The following IL1RAPL2 variants were observed in gnomAD, a reference collection of about 807,000 sequenced individuals.
The protein encoded by IL1RAPL2 is X-linked interleukin-1 receptor accessory protein-like 2.
IL1RAPL2 carries 3 observed loss-of-function variants against 44.1 expected under a neutral mutation model. The ratio of observed to expected loss-of-function variants is 0.07; its 90% CI spans 0.03 to 0.18. The LOEUF (loss-of-function observed/expected upper bound fraction) is 0.18. IL1RAPL2 is among the 10% of genes least tolerant of loss of function. The pLI is 1.00. For synonymous variants in IL1RAPL2, 181 were observed against 178.8 expected, an observed-to-expected ratio of 1.01 and a Z score of -0.10; for missense variants, 391 against 496.4, an observed-to-expected ratio of 0.79 and a Z score of 2.02.
intron 6 of IL1RAPL2, among the ~76,000 whole-genome samples, chrX:105,493,063 G>A (rs937043522): frequency 1.1e-4 from 12 of 111,942 alleles, no homozygotes; most frequent in African/African-American, 3.2e-4. Flanking sequence ...CTTACATTTA[G>A]CATAGTGTTA....
At chrX:104,913,922 T>G (rs1390621491) in intron 2 of IL1RAPL2, among the ~76,000 whole-genome samples, 2 of 112,033 alleles carry the variant, frequency 1.8e-5, no homozygotes, top group African/African-American at 6.5e-5. Context: ...GAGTAGAAAT[T>G]TGGTTGGGAG....
intron 2 of IL1RAPL2, among the ~76,000 whole-genome samples, chrX:105,054,775 CT>C (rs1316154608): frequency 1.8e-5 from 2 of 112,051 alleles, no homozygotes; most frequent in Non-Finnish European, 3.8e-5. Context: ...GATAACCCTG[CT>C]CCTAACCTAG....
rs770927376 is a variant in IL1RAPL2, at chrX:105,305,698, C to T, written c.697+38157C>T. ...AAACACAAACTGTAAACTACTCTTG[C>T]TGGATAATAAGGTTGAGCCTTTACT... On this transcript the variant is annotated intron_variant, in intron 5 of 10. Transcript: ENST00000372582. Among the ~76,000 whole-genome samples the T allele has an allele frequency of 1.8e-5, 2 of 112,085 alleles. 1 individual carries two copies. Among genetic ancestry groups the T allele is most frequent in the African/African-American group, 6.5e-5 (2 of 30,933 alleles).
intron 5 of IL1RAPL2, among the ~76,000 whole-genome samples, chrX:105,277,417 A>G (rs1009944361): frequency 2.0e-4 from 22 of 110,996 alleles, no homozygotes; most frequent in Middle Eastern, 4.6e-3. Flanking sequence ...CCTAGGCTTT[A>G]TTCTCCTTTT....
At chrX:105,338,957 G>A (rs1397302351) in intron 5 of IL1RAPL2, among the ~76,000 whole-genome samples, 1 of 110,474 alleles carries the variant, frequency 9.1e-6, no homozygotes, top group Non-Finnish European at 1.9e-5. Context: ...AAAAAAATTA[G>A]CAAGATGTGG....
intron 1 of IL1RAPL2, among the ~76,000 whole-genome samples, chrX:104,643,798 C>T (rs1929981038): frequency 9.0e-6 from 1 of 111,094 alleles, no homozygotes; most frequent in South Asian, 3.8e-4. Context: ...ATTAATGATC[C>T]CTAATAGGAA....
chrX:105,130,123 T>G (rs2033013043), intron 2 of IL1RAPL2, among the ~76,000 whole-genome samples: 1 of 111,367 alleles, frequency 9.0e-6, no homozygotes, highest in African/African-American at 3.3e-5. Context: ...TAAATCAAGC[T>G]TCAAACAAGT....
At chrX:105,518,017 T>C (rs1279730009) in intron 6 of IL1RAPL2, among the ~76,000 whole-genome samples, 1 of 110,905 alleles carries the variant, frequency 9.0e-6, no homozygotes, top group African/African-American at 3.3e-5. Flanking sequence ...GCACAAATAA[T>C]GAATATCTGT....
chrX:105,611,105 T>G lies in IL1RAPL2; in HGVS notation c.773-106262T>G, dbSNP rs763779462. ...GTGTCTTCGTTTTTAACAAAAAAGT[T>G]TAAAAGTTAAAAAACAACTAAAAAT... is the stretch of plus-strand genomic sequence containing the variant. On this transcript the variant is annotated intron_variant, in intron 6 of 10. Transcript: ENST00000372582. 3.6e-5 allele frequency among the ~76,000 whole-genome samples: 4 copies of G among 111,591 alleles called. No individual in the cohort carries two copies. The East Asian group carries it at 1.1e-3, about 31-fold the overall frequency.
chrX:105,120,306 T>C (rs184506104), intron 2 of IL1RAPL2, among the ~76,000 whole-genome samples: 151 of 109,542 alleles, frequency 1.4e-3, no homozygotes, highest in African/African-American at 4.7e-3. Context: ...TGTCTCTATG[T>C]GGGTGGAAAG....
At chrX:105,488,018 A>C (rs927981574) in intron 6 of IL1RAPL2, among the ~76,000 whole-genome samples, 2 of 112,381 alleles carry the variant, frequency 1.8e-5, no homozygotes, top group Non-Finnish European at 3.8e-5. Flanking sequence ...AAGAAATACG[A>C]AAATCCAATC....
At chrX:105,450,726 A>G (rs2036013384) in intron 5 of IL1RAPL2, among the ~76,000 whole-genome samples, 1 of 112,031 alleles carries the variant, frequency 8.9e-6, no homozygotes, top group African/African-American at 3.2e-5. Flanking sequence ...ATAGAATAAT[A>G]ATCTCTTTCA....
chrX:105,573,658 C>T (rs1247455828), intron 6 of IL1RAPL2, among the ~76,000 whole-genome samples: 1 of 109,863 alleles, frequency 9.1e-6, no homozygotes, highest in Non-Finnish European at 1.9e-5. Flanking sequence ...TGGTACCATT[C>T]TCAGAGAGGG....
intron 2 of IL1RAPL2, among the ~76,000 whole-genome samples, chrX:104,839,538 C>T (rs1921844572): frequency 9.0e-6 from 1 of 111,725 alleles, no homozygotes; most frequent in African/African-American, 3.3e-5. Context: ...GGACATTTGC[C>T]TGAAATTTTC....
intron 2 of IL1RAPL2, among the ~76,000 whole-genome samples, chrX:105,157,287 C>T (rs376924725): frequency 1.9e-5 from 2 of 107,496 alleles, no homozygotes; most frequent in African/African-American, 6.8e-5. Flanking sequence ...AACTACAAAG[C>T]TCTCTCTCTC....
chrX:105,362,458 A>C (rs1444301490), intron 5 of IL1RAPL2, among the ~76,000 whole-genome samples: 1 of 111,406 alleles, frequency 9.0e-6, no homozygotes, highest in Non-Finnish European at 1.9e-5. Flanking sequence ...TATACTACCT[A>C]GAAGGCTAGC....
intron 5 of IL1RAPL2, among the ~76,000 whole-genome samples, chrX:105,408,900 C>T (rs28556846): frequency 0.018 from 1,993 of 109,571 alleles, 23 homozygotes; most frequent in Middle Eastern, 0.061. Flanking sequence ...AGAGTGAAAC[C>T]CAGGTTTTAG....
intron 5 of IL1RAPL2, among the ~76,000 whole-genome samples, chrX:105,413,271 C>T (rs2035710166): frequency 9.0e-6 from 1 of 111,636 alleles, no homozygotes; most frequent in East Asian, 2.8e-4. Flanking sequence ...ATTATAATCA[C>T]TGGAACATAT....
At chrX:104,893,646 C>A (rs1037906342) in intron 2 of IL1RAPL2, among the ~76,000 whole-genome samples, 1 of 111,297 alleles carries the variant, frequency 9.0e-6, no homozygotes, top group African/African-American at 3.3e-5. Flanking sequence ...CTTGGTAGAT[C>A]TTCCTCCATC....
Sources: gnomAD v4.1 joint callset for allele counts (sites outside exome capture counted in the v4.1 genomes callset) on GRCh38, gnomAD v4.1.1 for gene constraint, MANE v1.5 for transcripts, NCBI Gene and HGNC (gene_info 2026-07-23, HGNC 2026-07-21) for gene names.